LGSN: variants seen among roughly 807,000 people sequenced by gnomAD.
The protein encoded by LGSN is lengsin, lens protein with glutamine synthetase domain, also known as lengsin.
In LGSN, 21 loss-of-function variants were observed where a neutral mutation model predicts 19.5. That is an observed-to-expected ratio of 1.07 (90% CI 0.76 to 1.55). The LOEUF is 1.55. LGSN is among the 40% of genes most tolerant of loss of function. The pLI, the probability that LGSN is intolerant of heterozygous loss-of-function variation, is 0.00. For missense variants in LGSN, 673 were observed against 608.5 expected, an observed-to-expected ratio of 1.11 and a Z score of -1.12; for synonymous variants, 257 against 215.6, an observed-to-expected ratio of 1.19 and a Z score of -1.68.
the LGSN span, among the ~76,000 whole-genome samples, chr6:63,341,950 G>A: frequency 2.0e-5 from 3 of 152,174 alleles, no homozygotes; most frequent in African/African-American, 7.2e-5. Flanking sequence ...AGGATTCTAA[G>A]TCAAAGGAGC....
the LGSN span, among the ~76,000 whole-genome samples, chr6:63,486,309 C>T: frequency 1.3e-5 from 2 of 152,040 alleles, no homozygotes; most frequent in East Asian, 3.9e-4. Context: ...GTAAGGAACT[C>T]GTGATCAACA....
the LGSN span, among the ~76,000 whole-genome samples, chr6:63,531,512 CTTTTTTTT>C: frequency 1.0e-4 from 13 of 128,538 alleles, no homozygotes; most frequent in Non-Finnish European, 2.0e-4. Flanking sequence ...ATCTATTATG[CTTTTTTTT>C]TTTTTTTTTT....
At chr6:63,303,021 G>T (rs755378334) in intron 1 of LGSN, among the ~76,000 whole-genome samples, 18 of 152,098 alleles carry the variant, frequency 1.2e-4, no homozygotes, top group Non-Finnish European at 2.5e-4. Context: ...CCAGCTACTC[G>T]GGAAGCTGAG....
At chr6:63,443,680 C>A in the LGSN span, 1 of 464,820 alleles carries the variant, frequency 2.2e-6, no homozygotes, top group Non-Finnish European at 3.0e-6. Flanking sequence ...TCAGACCTAC[C>A]TGCCATCATC....
chr6:63,534,511 T>G, the LGSN span, among the ~76,000 whole-genome samples: 1 of 150,898 alleles, frequency 6.6e-6, no homozygotes, highest in Non-Finnish European at 1.5e-5. Flanking sequence ...TCTAAGCCAA[T>G]GCAGTACTTA....
chr6:63,573,118 C>T, the LGSN span: 1 of 163,640 alleles, frequency 6.1e-6, no homozygotes, highest in Non-Finnish European at 1.3e-5. Flanking sequence ...TGGTCTGGCG[C>T]GACCCGTCCG....
the LGSN span, among the ~76,000 whole-genome samples, chr6:63,390,859 CA>C: frequency 6.5e-3 from 327 of 50,504 alleles, no homozygotes; most frequent in Middle Eastern, 0.012. Flanking sequence ...GACTCCATCT[CA>C]AAAAAAAAAA....
chr6:63,308,085 G>GT lies in LGSN; in HGVS notation c.30+11828dup, dbSNP rs981688755. Among the ~76,000 whole-genome samples, 9 of 152,194 alleles carry GT rather than the reference G, an allele frequency of 5.9e-5. 1 individual carries two copies. The South Asian group carries it at 6.2e-4, about 10-fold the overall frequency. The stretch of plus-strand genomic sequence containing the variant: ...AAACCAGGCTGGAAGAATCATGAGC[G>GT]TAAGTACAGATATGCAGTTTCATTT... On this transcript the variant is annotated intron_variant, in intron 1 of 3. Transcript: ENST00000370657.
chr6:63,464,713 T>C, the LGSN span, among the ~76,000 whole-genome samples: 1 of 151,856 alleles, frequency 6.6e-6, no homozygotes, highest in African/African-American at 2.4e-5. Context: ...TAAATTTTAT[T>C]AAAAGAAACA....
intron 1 of LGSN, among the ~76,000 whole-genome samples, chr6:63,316,571 TTTAG>T (rs1562021086): frequency 6.6e-6 from 1 of 152,172 alleles, no homozygotes; most frequent in Admixed American, 6.5e-5. Flanking sequence ...TTTTGTTTTA[TTTAG>T]TATGTTCATA....
the LGSN span, among the ~76,000 whole-genome samples, chr6:63,498,677 G>A: frequency 1.3e-5 from 2 of 152,122 alleles, no homozygotes; most frequent in African/African-American, 2.4e-5. Flanking sequence ...GTGAAGCAAT[G>A]TTTTCATGTG....
chr6:63,336,575 A>ATATGTGTGTGTG, the LGSN span, among the ~76,000 whole-genome samples: 2 of 148,618 alleles, frequency 1.3e-5, no homozygotes, highest in Non-Finnish European at 3.0e-5. Context: ...ATATATATAT[A>ATATGTGTGTGTG]TGTATAAAAT....
the LGSN span, among the ~76,000 whole-genome samples, chr6:63,375,140 T>C: frequency 2.6e-5 from 4 of 152,300 alleles, no homozygotes; most frequent in South Asian, 2.1e-4. Flanking sequence ...TTTTGTTTTT[T>C]AATCATTTTC....
the LGSN span, among the ~76,000 whole-genome samples, chr6:63,345,543 A>G: frequency 6.6e-6 from 1 of 152,156 alleles, no homozygotes; most frequent in Admixed American, 6.5e-5. Flanking sequence ...CCTTTTCTTT[A>G]TGTCTTATTA....
chr6:63,566,802 T>C, the LGSN span, among the ~76,000 whole-genome samples: 1 of 152,208 alleles, frequency 6.6e-6, no homozygotes, highest in Non-Finnish European at 1.5e-5. Flanking sequence ...TTTGATAGTA[T>C]TTTACACACA....
the LGSN span, among the ~76,000 whole-genome samples, chr6:63,356,520 C>A: frequency 6.7e-6 from 1 of 148,672 alleles, no homozygotes; most frequent in African/African-American, 2.6e-5. Context: ...CCACCCTGGG[C>A]GACAAGAGCA....
the LGSN span, among the ~76,000 whole-genome samples, chr6:63,443,132 G>A: frequency 2.0e-5 from 3 of 152,324 alleles, no homozygotes; most frequent in African/African-American, 4.8e-5. Context: ...AGCCGGGTGC[G>A]GACAAGCCAG....
At chr6:63,293,834 C>T (rs1208194332) in intron 2 of LGSN, 2 of 453,484 alleles carry the variant, frequency 4.4e-6, no homozygotes, top group African/African-American at 4.0e-5. Context: ...ATTTGTGGCA[C>T]ACCATTTGGT....
the LGSN span, among the ~76,000 whole-genome samples, chr6:63,467,835 G>A: frequency 2.0e-5 from 3 of 152,054 alleles, no homozygotes; most frequent in Non-Finnish European, 2.9e-5. Context: ...GGGATTACAG[G>A]AACGCATCAC....
Sources: allele counts gnomAD v4.1 joint callset (sites outside exome capture counted in the v4.1 genomes callset), GRCh38; gene constraint gnomAD v4.1.1; transcripts MANE v1.5; gene names NCBI Gene and HGNC (gene_info 2026-07-23, HGNC 2026-07-21).